TEK: variants seen among roughly 807,000 people sequenced by gnomAD.
The protein encoded by TEK is TEK receptor tyrosine kinase.
In TEK, 43 loss-of-function variants were observed where a neutral mutation model predicts 131.8. The ratio of observed to expected loss-of-function variants is 0.33; its 90% CI spans 0.26 to 0.42. The LOEUF (loss-of-function observed/expected upper bound fraction) is 0.42, where lower values mean the gene tolerates loss of function less well. Among genes scored for constraint, TEK ranks in the 10% least tolerant of loss-of-function variants. The pLI is 1.00. For missense variants in TEK, 1,162 were observed against 1,384.4 expected (o/e 0.84, Z 2.55); for synonymous variants, 580 against 491.6 (o/e 1.18, Z -2.38).
intron 1 of TEK, among the ~76,000 whole-genome samples, chr9:27,151,581 C>G (rs1337747310): frequency 1.3e-5 from 2 of 152,196 alleles, no homozygotes; most frequent in African/African-American, 4.8e-5. Flanking sequence ...TCAAAACAGT[C>G]AAGTCTGATA....
At chr9:27,122,140 A>G (rs1049038056) in intron 1 of TEK, among the ~76,000 whole-genome samples, 1 of 152,232 alleles carries the variant, frequency 6.6e-6, no homozygotes, top group African/African-American at 2.4e-5. Flanking sequence ...CATTCCAGCT[A>G]GCATCTACTG....
intron 1 of TEK, among the ~76,000 whole-genome samples, chr9:27,140,494 T>C (rs371778479): frequency 3.9e-5 from 6 of 152,176 alleles, no homozygotes; most frequent in African/African-American, 1.4e-4. Flanking sequence ...CACATTTCCC[T>C]TTATGGGTTA....
At position 27,228,309 on chromosome 9, in the gene TEK, A is replaced by G; in HGVS notation, c.3300+4A>G. On this transcript the variant is annotated splice_donor_region_variant and intron_variant, in intron 22 of 22. Coordinates refer to ENST00000380036, the MANE Select transcript of TEK (RefSeq NM_000459.5). ...CAGAATGTTAGAGGAGCGAAAGGTA[A>G]GTATTAAAGTCAGGCAGGAGATCTT... is the stretch of plus-strand genomic sequence containing the variant. 1 of 1,608,348 alleles carries G rather than the reference A, an allele frequency of 6.2e-7. No homozygotes were observed. The highest frequency in any genetic ancestry group is 8.5e-7 in the Non-Finnish European group (1 of 1,175,160).
chr9:27,212,860 A>T lies in TEK; in HGVS notation c.2840A>T (p.Asp947Val). ...SSQQLLHFAA[D>V]VARGMDYLSQ... ...CAGCAGCTCCTTCACTTCGCTGCCGACGTGGCCCGGGGCATGGACTACTTG... is the reference window on the plus strand; with the variant it reads ...CAGCAGCTCCTTCACTTCGCTGCCGTCGTGGCCCGGGGCATGGACTACTTG... The change falls in exon 17 of 23, where the codon GAC becomes GTC. Residue 947 changes from aspartate (D) to valine (V), a missense_variant. Transcript: ENST00000380036. 1 of 1,614,104 alleles carries T rather than the reference A, an allele frequency of 6.2e-7. No individual in the cohort carries two copies. Among genetic ancestry groups the T allele is most frequent in the Non-Finnish European group, 8.5e-7 (1 of 1,180,016 alleles).
chr9:27,200,291 T>C (rs1241884485), intron 12 of TEK, among the ~76,000 whole-genome samples: 1 of 152,238 alleles, frequency 6.6e-6, no homozygotes, highest in Admixed American at 6.5e-5. Context: ...CTATTTCCTA[T>C]TTCAAAATTA....
Position 27,205,034 on chromosome 9 carries a change from A to G in TEK, c.2333A>G (p.Gln778Arg). The change falls in exon 14 of 23, where the codon CAA becomes CGA. Residue 778 changes from glutamine (Q) to arginine (R), a missense_variant. By Grantham distance (43) the Gln-to-Arg change is conservative. This residue lies in a region of TEK where 477 missense variants were observed against 471.0 expected (regional missense o/e 1.01). Coordinates refer to ENST00000380036, the MANE Select transcript of TEK (RefSeq NM_000459.5). ...TTGCAATTGAAGAGGGCAAATGTGC[A>G]AAGGAGAATGGCCCAAGCCTTCCAA... ...IILQLKRANV[Q>R]RRMAQAFQNV... 1 of 1,614,074 alleles carries G rather than the reference A, an allele frequency of 6.2e-7. No individual in the cohort carries two copies. Among genetic ancestry groups the G allele is most frequent in the Non-Finnish European group, 8.5e-7 (1 of 1,179,930 alleles).
intron 22 of TEK, among the ~76,000 whole-genome samples, chr9:27,228,809 C>CA (rs1367050252): frequency 1.3e-5 from 2 of 150,792 alleles, no homozygotes; most frequent in Admixed American, 6.7e-5. Flanking sequence ...ACTAGAGATG[C>CA]AGGTGAGATC....
intron 1 of TEK, among the ~76,000 whole-genome samples, chr9:27,138,246 C>A (rs953785826): frequency 1.3e-5 from 2 of 152,256 alleles, no homozygotes; most frequent in African/African-American, 4.8e-5. Flanking sequence ...CGGGTTGCCG[C>A]TGCTGGCTCA....
At chr9:27,175,197 C>T (rs1379277181) in intron 6 of TEK, among the ~76,000 whole-genome samples, 1 of 139,096 alleles carries the variant, frequency 7.2e-6, no homozygotes, top group Admixed American at 7.9e-5. Context: ...TTCATGTGTT[C>T]TCACTGTTCA....
chr9:27,174,725 C>T (rs1237078924), intron 6 of TEK, among the ~76,000 whole-genome samples: 3 of 152,038 alleles, frequency 2.0e-5, no homozygotes, highest in Non-Finnish European at 2.9e-5. Flanking sequence ...TGTCTGCCCC[C>T]CGGAACATGC....
At position 27,180,336 on chromosome 9, in the gene TEK, C is replaced by G. The variant is rs748176673; in HGVS notation, c.998C>G (p.Pro333Arg). 6.2e-7 allele frequency: 1 copy of G among 1,613,602 alleles called. No homozygotes were observed. Among genetic ancestry groups the G allele is most frequent in the African/African-American group, 1.3e-5 (1 of 74,992 alleles). ...CDRFQGCLCS[P>R]GWQGLQCERE... ...CGCTTCCAAGGATGTCTCTGCTCTC[C>G]AGGATGGCAGGGGCTCCAGTGTGAG... The change falls in exon 7 of 23, where the codon CCA (proline) becomes CGA (arginine). Residue 333 changes from proline to arginine, a missense_variant. Physicochemically the swap from Pro to Arg is moderately radical, Grantham distance 103 (BLOSUM62 -2). This residue lies in a region of TEK where 436 missense variants were observed against 539.1 expected (regional missense o/e 0.81). Coordinates refer to ENST00000380036, the MANE Select transcript of TEK (RefSeq NM_000459.5).
At chr9:27,200,325 C>G (rs1775919044) in intron 12 of TEK, among the ~76,000 whole-genome samples, 1 of 152,192 alleles carries the variant, frequency 6.6e-6, no homozygotes, top group Non-Finnish European at 1.5e-5. Flanking sequence ...CTCACCTAAA[C>G]TACATAAGTT....
In TEK at chr9:27,169,549, C is replaced by A; in HGVS notation, c.548C>A (p.Pro183His). Residue 183 changes from proline to histidine, a missense_variant, in exon 4 of 23, where the codon CCC becomes CAC. Physicochemically the swap from Pro to His is moderately conservative, Grantham distance 77 (BLOSUM62 -2). Around this residue, in one of 6 missense-constraint regions of TEK, gnomAD observed 436 missense variants for 539.1 expected, o/e 0.81. Coordinates refer to ENST00000380036, the MANE Select transcript of TEK (RefSeq NM_000459.5). The stretch of plus-strand genomic sequence containing the variant: ...GAAGTACACCTGCCTCATGCTCAGC[C>A]CCAGGATGCTGGAGTGTACTCGGCC... The part of the protein sequence containing the change: ...ILEVHLPHAQ[P>H]QDAGVYSARY... 1 of 1,614,144 alleles carries A rather than the reference C, an allele frequency of 6.2e-7. No homozygotes were observed. Among genetic ancestry groups the A allele is most frequent in the Non-Finnish European group, 8.5e-7 (1 of 1,180,008 alleles).
At chr9:27,143,424 A>C (rs1460885811) in intron 1 of TEK, among the ~76,000 whole-genome samples, 2 of 152,182 alleles carry the variant, frequency 1.3e-5, no homozygotes, top group Non-Finnish European at 2.9e-5. Flanking sequence ...GAGAGCAGCC[A>C]GGGAGGGGGC....
intron 1 of TEK, among the ~76,000 whole-genome samples, chr9:27,146,746 G>A (rs4311734): frequency 8.2e-5 from 12 of 146,194 alleles, no homozygotes; most frequent in Middle Eastern, 3.4e-3. Flanking sequence ...TTTTTGGCGG[G>A]GGGGACGGAG....
intron 1 of TEK, among the ~76,000 whole-genome samples, chr9:27,119,890 C>CGT (rs147218863): frequency 0.071 from 10,764 of 151,034 alleles, 483 homozygotes; most frequent in East Asian, 0.22. Context: ...TGTGCACATG[C>CGT]GTGTGTGTGT....
chr9:27,153,273 C>T (rs1257638907), intron 1 of TEK, among the ~76,000 whole-genome samples: 1 of 150,932 alleles, frequency 6.6e-6, no homozygotes, highest in Non-Finnish European at 1.5e-5. Context: ...ATGGTGAAAC[C>T]CCGCCTCTAC....
intron 1 of TEK, among the ~76,000 whole-genome samples, chr9:27,111,389 A>G (rs992689328): frequency 9.9e-5 from 15 of 152,152 alleles, no homozygotes; most frequent in Admixed American, 2.0e-4. Flanking sequence ...ATCCAGCTAG[A>G]TAATGTCCAC....
At chr9:27,128,049 C>T (rs965156443) in intron 1 of TEK, among the ~76,000 whole-genome samples, 4 of 152,122 alleles carry the variant, frequency 2.6e-5, no homozygotes, top group Non-Finnish European at 5.9e-5. Flanking sequence ...GAAGTCCTTG[C>T]CCATGCCTAT....
Sources: gnomAD v4.1 joint callset for allele counts (sites outside exome capture counted in the v4.1 genomes callset) on GRCh38, gnomAD v4.1.1 for gene constraint, gnomAD v4.1.1 regional missense constraint, MANE v1.5 for transcripts, NCBI Gene and HGNC (gene_info 2026-07-23, HGNC 2026-07-21) for gene names.